The following ADAM28 variants were observed in gnomAD, a reference collection of about 807,000 sequenced individuals.
The protein encoded by ADAM28 is disintegrin and metalloproteinase domain-containing protein 28.
Under a neutral mutation model 101.2 loss-of-function variants are expected in ADAM28, and 105 were observed. That is an observed-to-expected ratio of 1.04 (90% confidence interval 0.89 to 1.22). The LOEUF (loss-of-function observed/expected upper bound fraction) is 1.22. ADAM28 is among the 50% of genes most tolerant of loss of function. The pLI is 0.00. For synonymous variants in ADAM28, 322 were observed against 310.6 expected, an observed-to-expected ratio of 1.04 and a Z score of -0.39; for missense variants, 1,028 against 945.4, an observed-to-expected ratio of 1.09 and a Z score of -1.15.
At chr8:24,329,029 A>G (rs1025893194) in intron 10 of ADAM28, among the ~76,000 whole-genome samples, 2 of 152,060 alleles carry the variant, frequency 1.3e-5, no homozygotes, top group South Asian at 2.1e-4. Context: ...ACCATTATTT[A>G]AAGAAAGAAA....
intron 22 of ADAM28, 51 bp downstream of exon 22, chr8:24,353,883 T>C: frequency 7.7e-7 from 1 of 1,294,324 alleles, no homozygotes; most frequent in Non-Finnish European, 1.1e-6. Flanking sequence ...AATCTCCTAC[T>C]GTCAAGAGAA....
At chr8:24,329,413 G>T (rs909773412) in intron 10 of ADAM28, among the ~76,000 whole-genome samples, 2 of 152,164 alleles carry the variant, frequency 1.3e-5, no homozygotes, top group Non-Finnish European at 2.9e-5. Flanking sequence ...ATTTATAGCT[G>T]CAAGCTCTAA....
chr8:24,320,312 T>C lies in ADAM28; in HGVS notation c.648+5T>C. 1 of 1,577,112 alleles carries C rather than the reference T, an allele frequency of 6.3e-7. No homozygotes were observed. Among genetic ancestry groups the C allele is most frequent in the Non-Finnish European group, 8.7e-7 (1 of 1,150,750 alleles). Reference sequence around the variant, plus strand: ...TTGGTCCTGGATAATGGTGAGGTAATTATATGAGATAAATGTGCTGTCTTC... The same window carrying C: ...TTGGTCCTGGATAATGGTGAGGTAACTATATGAGATAAATGTGCTGTCTTC... On this transcript the variant is annotated splice_donor_5th_base_variant and intron_variant, in intron 7 of 22. Transcript: ENST00000265769.
At chr8:24,338,330 A>C (rs572288391) in intron 14 of ADAM28, among the ~76,000 whole-genome samples, 1 of 152,350 alleles carries the variant, frequency 6.6e-6, no homozygotes, top group East Asian at 1.9e-4. Flanking sequence ...AATTGGCAAG[A>C]AGTTATAAAA....
chr8:24,354,047 A>G (rs962337714), intron 22 of ADAM28, among the ~76,000 whole-genome samples: 3 of 152,078 alleles, frequency 2.0e-5, no homozygotes, highest in Non-Finnish European at 4.4e-5. Flanking sequence ...GTAGACACCA[A>G]TATTATTTAT....
chr8:24,318,867 G>A (rs1053672907), intron 6 of ADAM28, among the ~76,000 whole-genome samples: 2 of 151,886 alleles, frequency 1.3e-5, no homozygotes, highest in Admixed American at 6.6e-5. Flanking sequence ...GCCCATCCTC[G>A]TTCAGCAGAA....
intron 5 of ADAM28, among the ~76,000 whole-genome samples, chr8:24,312,782 G>C (rs1456277715): frequency 1.3e-5 from 2 of 152,014 alleles, no homozygotes; most frequent in Non-Finnish European, 2.9e-5. Context: ...TGAATAATGG[G>C]TACTCAATGA....
chr8:24,308,475 C>T (rs1180124950), intron 2 of ADAM28, among the ~76,000 whole-genome samples: 1 of 152,154 alleles, frequency 6.6e-6, no homozygotes, highest in Non-Finnish European at 1.5e-5. Context: ...TACTAAAAAG[C>T]CATTGCTGAA....
At chr8:24,350,875 T>G (rs866354509) in intron 19 of ADAM28, among the ~76,000 whole-genome samples, 29 of 131,726 alleles carry the variant, frequency 2.2e-4, no homozygotes, top group East Asian at 1.3e-3. Flanking sequence ...TTTTTTTTTT[T>G]TTTTTTTTTT....
chr8:24,331,991 T>C (rs1364201393), intron 12 of ADAM28, among the ~76,000 whole-genome samples: 1 of 152,184 alleles, frequency 6.6e-6, no homozygotes, highest in Non-Finnish European at 1.5e-5. Flanking sequence ...TTTGATTATG[T>C]ATTTATTTGC....
intron 6 of ADAM28, among the ~76,000 whole-genome samples, chr8:24,317,607 G>A (rs925681353): frequency 1.3e-5 from 2 of 151,948 alleles, no homozygotes; most frequent in Admixed American, 6.6e-5. Context: ...GGGAAAAGCT[G>A]TTTGACATTA....
At chr8:24,308,232 A>G (rs1809966479) in intron 2 of ADAM28, among the ~76,000 whole-genome samples, 1 of 152,236 alleles carries the variant, frequency 6.6e-6, no homozygotes, top group South Asian at 2.1e-4. Context: ...CCTACAGAGT[A>G]CACAACTAGA....
chr8:24,309,021 T>C (rs868361029), intron 2 of ADAM28, among the ~76,000 whole-genome samples: 2 of 152,206 alleles, frequency 1.3e-5, no homozygotes, highest in South Asian at 2.1e-4. Flanking sequence ...AGGCACTTCC[T>C]AATAACTTTT....
At chr8:24,342,905 C>A in intron 16 of ADAM28, 196 bp from the exon 17 acceptor site, 1 of 927,398 alleles carries the variant, frequency 1.1e-6, no homozygotes, top group Non-Finnish European at 1.5e-6. Context: ...CTTAGATAGA[C>A]TTTATCAACC....
At position 24,349,949 on chromosome 8, in the gene ADAM28, A is replaced by T; in HGVS notation, c.2076A>T (p.Arg692Ser). Residue 692 changes from arginine (R) to serine (S), a missense_variant, in exon 19 of 23, where the codon AGA becomes AGT. Physicochemically the swap from Arg to Ser is moderately radical, Grantham distance 110 (BLOSUM62 -1). Coordinates refer to ENST00000265769, the MANE Select transcript of ADAM28 (RefSeq NM_014265.6). ...TGGTAATCCGGCACCAGAGCTCCAGAGAAAAGCAGAAGAAAGATCAGAGGT... is the reference window on the plus strand; with the variant it reads ...TGGTAATCCGGCACCAGAGCTCCAGTGAAAAGCAGAAGAAAGATCAGAGGT... Reference protein sequence around the residue: ...VAMVIRHQSSREKQKKDQRPL... With the variant: ...VAMVIRHQSSSEKQKKDQRPL... The T allele has an allele frequency of 6.2e-7, 1 of 1,613,698 alleles. No homozygotes were observed. Among genetic ancestry groups the T allele is most frequent in the Non-Finnish European group, 8.5e-7 (1 of 1,179,728 alleles).
rs753489424 is a variant in ADAM28, at chr8:24,309,897, C to A, written c.154C>A (p.Gln52Lys). The change falls in exon 3 of 23, where the codon CAA (glutamine) becomes AAA (lysine). Residue 52 changes from glutamine to lysine, a missense_variant. By Grantham distance (53) the Gln-to-Lys change is moderately conservative (BLOSUM62 1). Coordinates refer to ENST00000265769, the MANE Select transcript of ADAM28 (RefSeq NM_014265.6). Reference sequence around the variant, plus strand: ...AAATGTTTGTGTATTTTTGCAGGAACAATTTGAAACTGAATTAAAGTATAA... The same window carrying A: ...AAATGTTTGTGTATTTTTGCAGGAAAAATTTGAAACTGAATTAAAGTATAA... ...REAKEPEQQE[Q>K]FETELKYKMT... 1 of 1,543,012 alleles carries A rather than the reference C, an allele frequency of 6.5e-7. No individual in the cohort carries two copies. Among genetic ancestry groups the A allele is most frequent in the Non-Finnish European group, 8.9e-7 (1 of 1,122,370 alleles).
chr8:24,332,111 C>T (rs900762022), intron 12 of ADAM28, among the ~76,000 whole-genome samples: 1 of 152,146 alleles, frequency 6.6e-6, no homozygotes, highest in Non-Finnish European at 1.5e-5. Context: ...CTATGGGAAT[C>T]TAGACAGCTG....
At chr8:24,342,900 A>G (rs1234556108) in intron 16 of ADAM28, 2 of 870,270 alleles carry the variant, frequency 2.3e-6, no homozygotes, top group African/African-American at 1.7e-5. Flanking sequence ...AAATTCTTAG[A>G]TAGACTTTAT....
intron 14 of ADAM28, among the ~76,000 whole-genome samples, chr8:24,336,742 G>A (rs1336090820): frequency 6.6e-6 from 1 of 151,862 alleles, no homozygotes; most frequent in Admixed American, 6.6e-5. Context: ...GGGAGGAGGT[G>A]GGGAGATGTT....
Sources: allele counts gnomAD v4.1 joint callset (sites outside exome capture counted in the v4.1 genomes callset), GRCh38; gene constraint gnomAD v4.1.1; transcripts MANE v1.5; gene names NCBI Gene and HGNC (gene_info 2026-07-23, HGNC 2026-07-21).